RERE: variants seen among roughly 807,000 people sequenced by gnomAD.
RERE encodes the protein arginine-glutamic acid dipeptide repeats protein.
Under a neutral mutation model 146.1 loss-of-function variants are expected in RERE, and 40 were observed. That is an observed-to-expected ratio of 0.27 (90% confidence interval 0.21 to 0.36). The LOEUF (loss-of-function observed/expected upper bound fraction) is 0.36. Ranked by LOEUF, RERE falls within the 10% of genes least tolerant of loss-of-function variation. The pLI is 1.00. For missense variants in RERE, 1,933 were observed against 2,138.7 expected, an observed-to-expected ratio of 0.90 and a Z score of 1.90; for synonymous variants, 1,003 against 866.0, an observed-to-expected ratio of 1.16 and a Z score of -2.78.
At chr1:8,766,341 A>C (rs1445301785) in intron 1 of RERE, among the ~76,000 whole-genome samples, 3 of 151,916 alleles carry the variant, frequency 2.0e-5, no homozygotes, top group Admixed American at 2.0e-4. Flanking sequence ...GGAGTTCAAG[A>C]CCAGCCTGGC....
At chr1:8,449,291 C>T (rs1168608453) in intron 11 of RERE, among the ~76,000 whole-genome samples, 1 of 152,106 alleles carries the variant, frequency 6.6e-6, no homozygotes, top group Non-Finnish European at 1.5e-5. Context: ...ACATGTTACA[C>T]TGAGAAAGCA....
intron 3 of RERE, among the ~76,000 whole-genome samples, chr1:8,623,344 G>A (rs953389357): frequency 1.3e-5 from 2 of 152,176 alleles, no homozygotes; most frequent in African/African-American, 4.8e-5. Flanking sequence ...CCAGCTACTC[G>A]GGAGGCTGAG....
At chr1:8,454,139 A>G (rs1481522504) in intron 11 of RERE, among the ~76,000 whole-genome samples, 1 of 152,214 alleles carries the variant, frequency 6.6e-6, no homozygotes, top group Non-Finnish European at 1.5e-5. Flanking sequence ...ATTAGCCTGC[A>G]TCTCTGTAGC....
At chr1:8,469,001 T>C (rs2124138062) in intron 10 of RERE, among the ~76,000 whole-genome samples, 1 of 152,298 alleles carries the variant, frequency 6.6e-6, no homozygotes, top group Non-Finnish European at 1.5e-5. Context: ...GCTCTACTAT[T>C]TACTAGGTAT....
chr1:8,558,835 G>A lies in RERE; in HGVS notation c.523-1312C>T, dbSNP rs577362285. Among the ~76,000 whole-genome samples the A allele has an allele frequency of 4.8e-4, 68 of 142,018 alleles. 2 individuals carry two copies. In the South Asian group the frequency reaches 0.015, roughly 31 times the overall value. The allele number at this position is 142,018 out of a possible 152,430, so 93.2% of individuals were successfully genotyped here. On this transcript the variant is annotated intron_variant, in intron 4 of 22. Coordinates refer to ENST00000400908, the MANE Select transcript of RERE (RefSeq NM_001042681.2). Reference sequence around the variant, plus strand: ...TTTTGAGAAGGAGCCTCACTGTGTCGCCCAGGCTGGAGTGCAGTGGCGTGA... The same window carrying A: ...TTTTGAGAAGGAGCCTCACTGTGTCACCCAGGCTGGAGTGCAGTGGCGTGA...
intron 12 of RERE, among the ~76,000 whole-genome samples, chr1:8,376,784 C>T (rs1028031914): frequency 2.0e-5 from 3 of 152,214 alleles, no homozygotes; most frequent in African/African-American, 4.8e-5. Flanking sequence ...ACCTACTATA[C>T]AAAGCATCTT....
chr1:8,403,482 C>G (rs890391839), intron 12 of RERE, among the ~76,000 whole-genome samples: 2 of 147,438 alleles, frequency 1.4e-5, no homozygotes, highest in African/African-American at 5.0e-5. Context: ...TCTCCTGTCT[C>G]AGCCTCCTGA....
Position 8,361,658 on chromosome 1 carries a change from C to T in RERE, c.2016+105G>A. On this transcript the variant is annotated intron_variant, in intron 17 of 22. Coordinates refer to ENST00000400908, the MANE Select transcript of RERE (RefSeq NM_001042681.2). ...AGCCAGTGTCAAAGGCCACTCCAGC[C>T]CCACCCTAGGAGACAGGGCACGGCC... is the stretch of plus-strand genomic sequence containing the variant. 10 of 1,327,806 alleles carry T rather than the reference C, an allele frequency of 7.5e-6. No individual in the cohort carries two copies. In the South Asian group the frequency reaches 1.3e-4, roughly 17 times the overall value. The allele number at this position is 1,327,806 out of a possible 1,614,324, so 82.3% of individuals were successfully genotyped here. A position where few individuals can be genotyped will look rare whatever the true frequency, so the allele number is the denominator to read the frequency against.
In RERE at chr1:8,770,604, A is replaced by G. The variant is rs553381743; in HGVS notation, c.-145+46556T>C. 2.4e-4 allele frequency among the ~76,000 whole-genome samples: 36 copies of G among 152,372 alleles called. No individual in the cohort carries two copies. The South Asian group carries it at 7.5e-3, about 32-fold the overall frequency. On this transcript the variant is annotated intron_variant, in intron 1 of 22. Transcript: ENST00000400908. ...TCCATGAAGAACAAGGGAAGGGTAC[A>G]GTGACGTAGAACAACACTGTGGCAA...
rs185531429 is a variant in RERE, at chr1:8,715,235, G to T, written c.-144-58794C>A. On this transcript the variant is annotated intron_variant, in intron 1 of 22. Coordinates refer to ENST00000400908, the MANE Select transcript of RERE (RefSeq NM_001042681.2). The stretch of plus-strand genomic sequence containing the variant: ...CTATAATAATATAAACATTCGGCTG[G>T]GTGCGGTGGCTCACACCTGTAATCC... Among the ~76,000 whole-genome samples the T allele has an allele frequency of 2.0e-5, 3 of 151,902 alleles. No homozygotes were observed. The East Asian group carries it at 5.9e-4, about 30-fold the overall frequency.
At chr1:8,718,503 C>T (rs895084356) in intron 1 of RERE, among the ~76,000 whole-genome samples, 1 of 152,214 alleles carries the variant, frequency 6.6e-6, no homozygotes, top group African/African-American at 2.4e-5. Context: ...ATGCACTGAA[C>T]AGCTGAATTT....
In RERE at chr1:8,415,633, T is replaced by G. The variant is rs1344917638; in HGVS notation, c.1284+7094A>C. On this transcript the variant is annotated intron_variant, in intron 12 of 22. Transcript: ENST00000400908. ...CACCCAATTTTTTAATACCTCCTTT[T>G]CTTTCCAACACCAGCACCAAAAGTC... Among the ~76,000 whole-genome samples the G allele has an allele frequency of 2.0e-5, 3 of 152,174 alleles. No homozygotes were observed. In the East Asian group the frequency reaches 5.8e-4, roughly 29 times the overall value.
Position 8,360,112 on chromosome 1 carries a change from C to A in RERE, c.3395G>T (p.Arg1132Met). ...DTPSHASQSARFYKHLDRGYN... is the reference protein window; with the variant it reads ...DTPSHASQSAMFYKHLDRGYN... ...CGTCCTGGAGCCCTAGGAAGCGTACCTAGCTGACTGGCTGGCGTGACTGGG... is the reference window on the plus strand; with the variant it reads ...CGTCCTGGAGCCCTAGGAAGCGTACATAGCTGACTGGCTGGCGTGACTGGG... The change falls in exon 18 of 23, where the codon AGG (arginine) becomes ATG (methionine). Residue 1132 changes from arginine (R) to methionine (M), a missense_variant and splice_region_variant. By Grantham distance (91) the Arg-to-Met change is moderately conservative. Coordinates refer to ENST00000400908, the MANE Select transcript of RERE (RefSeq NM_001042681.2). The A allele has an allele frequency of 6.3e-7, 1 of 1,580,240 alleles. No individual in the cohort carries two copies.
At chr1:8,377,563 T>G (rs1261546116) in intron 12 of RERE, among the ~76,000 whole-genome samples, 1 of 152,126 alleles carries the variant, frequency 6.6e-6, no homozygotes, top group Non-Finnish European at 1.5e-5. Flanking sequence ...CCTTTCTTGA[T>G]GTTTTCTACC....
intron 11 of RERE, among the ~76,000 whole-genome samples, chr1:8,425,412 G>A (rs893468145): frequency 6.6e-6 from 1 of 152,142 alleles, no homozygotes; most frequent in Non-Finnish European, 1.5e-5. Flanking sequence ...TGCAGCAAGG[G>A]ACCCAAGAAG....
rs1234574019 is a variant in RERE at position 8,817,018 on chromosome 1, CG to C, written c.-145+141del. ...TGCCCTGCCCTCGCCCGACTCCCCT[CG>C]ACTTCGGCTTCGACCCCAGCCTTTT... On this transcript the variant is annotated intron_variant, in intron 1 of 22. Coordinates refer to ENST00000400908, the MANE Select transcript of RERE (RefSeq NM_001042681.2). 4 of 152,432 alleles carry C rather than the reference CG, an allele frequency of 2.6e-5. No individual in the cohort carries two copies. The East Asian group carries it at 7.7e-4, about 29-fold the overall frequency. The allele number at this position is 152,432 out of a possible 1,614,324, so 9.4% of individuals were successfully genotyped here.
chr1:8,461,264 G>A (rs569583124), intron 11 of RERE, among the ~76,000 whole-genome samples: 15 of 150,550 alleles, frequency 1.0e-4, no homozygotes, highest in African/African-American at 3.4e-4. Context: ...ATCTTCCTAA[G>A]TTCTACCAAT....
At chr1:8,396,858 A>G (rs1317210563) in intron 12 of RERE, among the ~76,000 whole-genome samples, 1 of 152,138 alleles carries the variant, frequency 6.6e-6, no homozygotes, top group East Asian at 1.9e-4. Context: ...GTGATATATC[A>G]TGCTTTCTCC....
In RERE at chr1:8,364,336, G is replaced by A. The variant is rs2124375611; in HGVS notation, c.1541-81C>T. ...TGTCTGGGCAGAGGGGCCCTTCTGT[G>A]GGCTCTACCCAAACCTGATGCCACC... On this transcript the variant is annotated intron_variant, in intron 14 of 22. Coordinates refer to ENST00000400908, the MANE Select transcript of RERE (RefSeq NM_001042681.2). This position sits in a 1 kb window ranked among gnomAD's most constrained non-coding sequence, Gnocchi z 5.1. The A allele has an allele frequency of 1.5e-6, 2 of 1,292,792 alleles. No individual in the cohort carries two copies. Among genetic ancestry groups the A allele is most frequent in the Non-Finnish European group, 1.1e-6 (1 of 897,590 alleles). The allele number at this position is 1,292,792 out of a possible 1,614,324, so 80.1% of individuals were successfully genotyped here. A position where few individuals can be genotyped will look rare whatever the true frequency, so the allele number is the denominator to read the frequency against.
Sources: gnomAD v4.1 joint callset for allele counts (sites outside exome capture counted in the v4.1 genomes callset) on GRCh38, gnomAD v4.1.1 for gene constraint, Gnocchi (gnomAD v3.1) non-coding constraint, MANE v1.5 for transcripts, NCBI Gene and HGNC (gene_info 2026-07-23, HGNC 2026-07-21) for gene names.